Variants in ARPP21 observed in about 807,000 individuals in gnomAD.
The protein encoded by ARPP21 is cAMP regulated phosphoprotein 21, also known as cAMP-regulated phosphoprotein 21.
In ARPP21, 69 loss-of-function variants were observed where a neutral mutation model predicts 113.2. That is an observed-to-expected ratio of 0.61 (90% CI 0.50 to 0.74). The LOEUF is 0.74. Ranked by LOEUF, ARPP21 falls within the 30% of genes least tolerant of loss-of-function variation. The pLI is 0.00. For missense variants in ARPP21, 1,070 were observed against 1,037.4 expected (o/e 1.03, Z -0.43); for synonymous variants, 368 against 375.5 (o/e 0.98, Z 0.23).
chr3:35,689,273 A>G, intron 6 of ARPP21, 34 bp from the exon 7 acceptor site: 2 of 998,356 alleles, frequency 2.0e-6, no homozygotes, highest in Non-Finnish European at 3.2e-6. Flanking sequence ...TTCCACCATC[A>G]TTCCTGACAG....
In ARPP21 at chr3:35,738,306, G is replaced by T. The variant is rs779370446; in HGVS notation, c.1737G>T (p.Gln579His). 2.0e-6 allele frequency: 3 copies of T among 1,530,820 alleles called. No homozygotes were observed. In the African/African-American group the frequency reaches 4.1e-5, roughly 21 times the overall value. 94.8% of individuals were successfully genotyped at this position (1,530,820 alleles called of 1,614,324 possible). Residue 579 changes from glutamine (Q) to histidine (H), a missense_variant, in exon 17 of 21, where the codon CAG becomes CAT. Gln to His is a conservative substitution (Grantham distance 24, BLOSUM62 0). Transcript: ENST00000684406. ...PQHLLPVSPT[Q>H]HFPMRDDVAT... ...ACCTCCTACCTGTGTCTCCAACGCA[G>T]CACTTTCCCATGGTACTGTATTATG...
rs2096794430 is a variant in ARPP21 at position 35,793,836 on chromosome 3, C to T, written c.2422C>T (p.Pro808Ser). ...TTACTGTAATGTCACACCGCCCACCCCTCAGAACAACCTTAGGCTGATTGG... is the reference window on the plus strand; with the variant it reads ...TTACTGTAATGTCACACCGCCCACCTCTCAGAACAACCTTAGGCTGATTGG... Reference protein sequence around the residue: ...PVYCNVTPPTPQNNLRLIGPH... With the variant: ...PVYCNVTPPTSQNNLRLIGPH... Residue 808 changes from proline to serine, a missense_variant, in exon 21 of 21, where the codon CCT becomes TCT. Coordinates refer to ENST00000684406, the MANE Select transcript of ARPP21 (RefSeq NM_001385562.1). The T allele has an allele frequency of 1.2e-6, 2 of 1,614,088 alleles. No homozygotes were observed. The highest frequency in any genetic ancestry group is 2.2e-5 in the East Asian group (1 of 44,888).
chr3:35,748,771 G>C (rs1486246861), intron 19 of ARPP21, among the ~76,000 whole-genome samples: 1 of 152,120 alleles, frequency 6.6e-6, no homozygotes, highest in East Asian at 1.9e-4. Flanking sequence ...TGTTCTTGTT[G>C]AGAAACATAT....
intron 1 of ARPP21, among the ~76,000 whole-genome samples, chr3:35,642,611 G>A (rs958037850): frequency 2.6e-5 from 4 of 152,118 alleles, no homozygotes; most frequent in Admixed American, 1.3e-4. Flanking sequence ...GTTCCTGCAT[G>A]CAGACTATTT....
chr3:35,792,992 T>C (rs1017465383), intron 20 of ARPP21, among the ~76,000 whole-genome samples: 4 of 152,232 alleles, frequency 2.6e-5, no homozygotes, highest in Non-Finnish European at 1.5e-5. Flanking sequence ...CTACATTCTC[T>C]GGACTAAACC....
At chr3:35,763,254 G>C (rs778103941) in intron 19 of ARPP21, among the ~76,000 whole-genome samples, 3 of 152,082 alleles carry the variant, frequency 2.0e-5, no homozygotes, top group Non-Finnish European at 4.4e-5. Context: ...TCTCTTACCT[G>C]CCTCATTTCT....
chr3:35,764,668 G>C (rs1037889156), intron 19 of ARPP21, among the ~76,000 whole-genome samples: 1 of 152,144 alleles, frequency 6.6e-6, no homozygotes, highest in Non-Finnish European at 1.5e-5. Flanking sequence ...AGATTACTAA[G>C]GACTCAGAAT....
intron 18 of ARPP21, among the ~76,000 whole-genome samples, chr3:35,740,787 AAAAT>A (rs67471809): frequency 0.099 from 15,131 of 152,132 alleles, 786 homozygotes; most frequent in Non-Finnish European, 0.12. Flanking sequence ...AAAGATCTTT[AAAAT>A]AAATAAATAA....
intron 1 of ARPP21, among the ~76,000 whole-genome samples, chr3:35,647,777 T>C (rs1700804972): frequency 1.3e-5 from 2 of 152,260 alleles, no homozygotes; most frequent in Non-Finnish European, 2.9e-5. Context: ...TAAAGTTGTA[T>C]AGTAACACTG....
At chr3:35,681,998 A>T in intron 3 of ARPP21, 118 bp downstream of exon 3, 2 of 1,186,492 alleles carry the variant, frequency 1.7e-6, no homozygotes, top group Non-Finnish European at 1.1e-6. Context: ...TATCATTAGG[A>T]AATGCTAGTC....
intron 9 of ARPP21, among the ~76,000 whole-genome samples, chr3:35,697,803 A>G (rs1168949454): frequency 6.6e-6 from 1 of 151,652 alleles, no homozygotes; most frequent in Non-Finnish European, 1.5e-5. Flanking sequence ...TAACAAAACA[A>G]AATAAAGCAA....
intron 19 of ARPP21, among the ~76,000 whole-genome samples, chr3:35,771,445 C>T (rs763174972): frequency 6.6e-6 from 1 of 152,066 alleles, no homozygotes; most frequent in African/African-American, 2.4e-5. Context: ...TCTCCTGCCT[C>T]AGCCTCCTGA....
intron 1 of ARPP21, among the ~76,000 whole-genome samples, chr3:35,663,207 G>A (rs1486353611): frequency 2.6e-5 from 4 of 152,014 alleles, no homozygotes; most frequent in African/African-American, 9.7e-5. Flanking sequence ...GCTTACCCCA[G>A]AATTGAATAA....
At position 35,729,498 on chromosome 3, in the gene ARPP21, G is replaced by C; in HGVS notation, c.1421G>C (p.Gly474Ala). ...YILLPLEAAT[G>A]IPPGSILLNP... is the part of the protein sequence containing the mutation. ...CTCCTTCCACTTGAAGCTGCAACAGGCATCCCGCCTGGAAGCATCCTTCTT... is the reference window on the plus strand; with the variant it reads ...CTCCTTCCACTTGAAGCTGCAACAGCCATCCCGCCTGGAAGCATCCTTCTT... Residue 474 changes from glycine (G) to alanine (A), a missense_variant, in exon 15 of 21, where the codon GGC becomes GCC. Transcript: ENST00000684406. The C allele has an allele frequency of 6.2e-7, 1 of 1,614,206 alleles. No individual in the cohort carries two copies. Among genetic ancestry groups the C allele is most frequent in the East Asian group, 2.2e-5 (1 of 44,866 alleles).
At chr3:35,784,654 A>G (rs1351814815) in intron 19 of ARPP21, among the ~76,000 whole-genome samples, 1 of 152,120 alleles carries the variant, frequency 6.6e-6, no homozygotes, top group African/African-American at 2.4e-5. Context: ...GTTGCCTCCC[A>G]GTAGATGGTA....
intron 1 of ARPP21, among the ~76,000 whole-genome samples, chr3:35,645,667 T>C (rs1186819249): frequency 6.6e-6 from 1 of 151,980 alleles, no homozygotes; most frequent in Non-Finnish European, 1.5e-5. Context: ...GAACTCTTAA[T>C]AATGGATAAG....
intron 11 of ARPP21, among the ~76,000 whole-genome samples, chr3:35,712,514 C>CTGTGTGTGTGTG (rs10579469): frequency 3.2e-4 from 43 of 132,930 alleles, no homozygotes; most frequent in African/African-American, 1.0e-3. Context: ...TCTAAGGTGT[C>CTGTGTGTGTGTG]TGTGTGTGTG....
chr3:35,684,378 T>C, intron 5 of ARPP21: 6 of 994,040 alleles, frequency 6.0e-6, no homozygotes, highest in Non-Finnish European at 7.2e-6. Context: ...GTTAATATTA[T>C]TAATATATCA....
Position 35,713,036 on chromosome 3 carries a change from G to A in ARPP21, c.898-2403G>A, listed in dbSNP as rs147788484. ...CTGGGACTCCTCTTCAGTGGGGATG[G>A]GTAATAAGGGCATGTGGTGCCACCA... On this transcript the variant is annotated intron_variant, in intron 11 of 20. Coordinates refer to ENST00000684406, the MANE Select transcript of ARPP21 (RefSeq NM_001385562.1). Among the ~76,000 whole-genome samples, 8 of 152,230 alleles carry A rather than the reference G, an allele frequency of 5.3e-5. No individual in the cohort carries two copies. In the East Asian group the frequency reaches 1.2e-3, roughly 22 times the overall value.
Sources: gnomAD v4.1 joint callset for allele counts (sites outside exome capture counted in the v4.1 genomes callset) on GRCh38, gnomAD v4.1.1 for gene constraint, MANE v1.5 for transcripts, NCBI Gene and HGNC (gene_info 2026-07-23, HGNC 2026-07-21) for gene names.